Variants in NRG3 observed in about 807,000 individuals in gnomAD.
NRG3 encodes the protein pro-neuregulin-3, membrane-bound isoform.
In NRG3, 31 loss-of-function variants were observed where a neutral mutation model predicts 66.9. The ratio of observed to expected loss-of-function variants is 0.46; its 90% CI spans 0.35 to 0.63. The LOEUF (loss-of-function observed/expected upper bound fraction) is 0.63, where lower values mean the gene tolerates loss of function less well. Ranked by LOEUF, NRG3 falls within the 20% of genes least tolerant of loss-of-function variation. NRG3 has a pLI of 0.00. For synonymous variants in NRG3, 393 were observed against 359.4 expected, an observed-to-expected ratio of 1.09 and a Z score of -1.06; for missense variants, 910 against 878.9, an observed-to-expected ratio of 1.04 and a Z score of -0.45.
intron 2 of NRG3, among the ~76,000 whole-genome samples, chr10:82,380,054 C>T (rs1231534358): frequency 1.3e-5 from 2 of 151,998 alleles, no homozygotes; most frequent in East Asian, 3.9e-4. Context: ...ATTCCTCAAT[C>T]CTCCTCACCA....
intron 2 of NRG3, among the ~76,000 whole-genome samples, chr10:82,610,322 T>C (rs2048233533): frequency 6.6e-6 from 1 of 152,234 alleles, no homozygotes; most frequent in African/African-American, 2.4e-5. Flanking sequence ...TGTAAAGCAA[T>C]ATTCACACCG....
chr10:82,440,804 A>G (rs2090397519), intron 2 of NRG3, among the ~76,000 whole-genome samples: 1 of 152,042 alleles, frequency 6.6e-6, no homozygotes, highest in Admixed American at 6.6e-5. Context: ...TACATTAAGT[A>G]CTCTGCTTTT....
At chr10:82,342,054 A>G (rs1308863869) in intron 1 of NRG3, among the ~76,000 whole-genome samples, 2 of 151,746 alleles carry the variant, frequency 1.3e-5, no homozygotes, top group African/African-American at 4.8e-5. Flanking sequence ...TATTTATGGT[A>G]TATGGTATTT....
intron 3 of NRG3, among the ~76,000 whole-genome samples, chr10:82,759,472 A>G (rs72831315): frequency 0.014 from 2,083 of 152,290 alleles, 33 homozygotes; most frequent in Non-Finnish European, 0.021. Context: ...CTAAACAGAG[A>G]CATTAACCAA....
At chr10:81,903,292 G>T (rs1406358900) in intron 1 of NRG3, among the ~76,000 whole-genome samples, 1 of 152,092 alleles carries the variant, frequency 6.6e-6, no homozygotes, top group Non-Finnish European at 1.5e-5. Context: ...GCATGTAATT[G>T]TATCTCAAAA....
Position 81,882,148 on chromosome 10 carries a change from G to C in NRG3, c.823+5985G>C, listed in dbSNP as rs2132482007. 1.3e-5 allele frequency among the ~76,000 whole-genome samples: 2 copies of C among 152,280 alleles called. 1 individual carries two copies. The highest frequency in any genetic ancestry group is 4.1e-4 in the South Asian group (2 of 4,828). On this transcript the variant is annotated intron_variant, in intron 1 of 8. Transcript: ENST00000372141. ...TAAACAAATCTATTATCCCAACTGA[G>C]TACTGTAAAGTGCACAACTCAGCTG...
At chr10:82,349,440 G>A (rs1388974306) in intron 1 of NRG3, among the ~76,000 whole-genome samples, 24 of 150,820 alleles carry the variant, frequency 1.6e-4, no homozygotes, top group East Asian at 2.0e-4. Flanking sequence ...CTCCAGCTGC[G>A]TACTGGGAGA....
chr10:82,844,599 C>A (rs1300113034), intron 3 of NRG3, among the ~76,000 whole-genome samples: 2 of 150,978 alleles, frequency 1.3e-5, no homozygotes, highest in Non-Finnish European at 2.9e-5. Flanking sequence ...GCAAGTCTGT[C>A]TACAACTTAA....
At chr10:82,162,906 T>G (rs2071714136) in intron 1 of NRG3, among the ~76,000 whole-genome samples, 1 of 152,154 alleles carries the variant, frequency 6.6e-6, no homozygotes, top group African/African-American at 2.4e-5. Flanking sequence ...GTGAATCTCC[T>G]CCTCTAATTA....
At chr10:82,177,352 G>T (rs1435410203) in intron 1 of NRG3, among the ~76,000 whole-genome samples, 1 of 151,922 alleles carries the variant, frequency 6.6e-6, no homozygotes, top group South Asian at 2.1e-4. Flanking sequence ...CATAGGAAAA[G>T]GTTACCTATG....
chr10:81,969,755 C>T (rs1011227163), intron 1 of NRG3, among the ~76,000 whole-genome samples: 5 of 150,078 alleles, frequency 3.3e-5, no homozygotes, highest in African/African-American at 1.3e-4. Flanking sequence ...TGATTTCTCT[C>T]ATGTCTGGAC....
chr10:82,854,016 C>A (rs1233393292), intron 3 of NRG3, among the ~76,000 whole-genome samples: 1 of 152,016 alleles, frequency 6.6e-6, no homozygotes, highest in Admixed American at 6.6e-5. Flanking sequence ...AAAAGTATAC[C>A]TACAATGAGA....
intron 2 of NRG3, among the ~76,000 whole-genome samples, chr10:82,732,404 A>G (rs1243044831): frequency 6.6e-6 from 1 of 152,156 alleles, no homozygotes; most frequent in African/African-American, 2.4e-5. Flanking sequence ...ATCCTGGGAA[A>G]GGTGGTTAGG....
chr10:82,892,850 T>C (rs1032339198), intron 4 of NRG3, among the ~76,000 whole-genome samples: 3 of 151,976 alleles, frequency 2.0e-5, no homozygotes, highest in Non-Finnish European at 4.4e-5. Context: ...AATAAGTTTC[T>C]CTCTAGTTAA....
intron 2 of NRG3, among the ~76,000 whole-genome samples, chr10:82,600,471 ATT>A (rs1357271121): frequency 2.0e-5 from 3 of 152,032 alleles, no homozygotes; most frequent in Non-Finnish European, 4.4e-5. Flanking sequence ...TATCTTATTT[ATT>A]TATTTGCTAT....
intron 2 of NRG3, among the ~76,000 whole-genome samples, chr10:82,541,197 G>C (rs1449691153): frequency 1.3e-5 from 2 of 152,030 alleles, no homozygotes; most frequent in African/African-American, 4.8e-5. Context: ...CTTATTGGTA[G>C]ATATAAATAT....
In NRG3 at chr10:82,956,608, T is replaced by C. The variant is rs529408073; in HGVS notation, c.1158-2341T>C. Among the ~76,000 whole-genome samples, 46 of 152,110 alleles carry C rather than the reference T, an allele frequency of 3.0e-4. 1 individual carries two copies. The highest frequency in any genetic ancestry group is 1.1e-3 in the African/African-American group (46 of 41,340). On this transcript the variant is annotated intron_variant, in intron 5 of 8. Coordinates refer to ENST00000372141, the MANE Select transcript of NRG3 (RefSeq NM_001010848.4). Reference sequence around the variant, plus strand: ...TAAAGAAAATTCCCTTATAAGTTTATACTTCCAAGACTCTGAATTGGATTA... The same window carrying C: ...TAAAGAAAATTCCCTTATAAGTTTACACTTCCAAGACTCTGAATTGGATTA...
chr10:82,402,445 GTGTT>G (rs1045104673), intron 2 of NRG3, among the ~76,000 whole-genome samples: 1 of 152,102 alleles, frequency 6.6e-6, no homozygotes, highest in Non-Finnish European at 1.5e-5. Flanking sequence ...TTTTTATTTG[GTGTT>G]TGTTTATTTA....
chr10:82,914,474 T>C (rs1432360294), intron 4 of NRG3, among the ~76,000 whole-genome samples: 1 of 152,194 alleles, frequency 6.6e-6, no homozygotes, highest in South Asian at 2.1e-4. Flanking sequence ...TTTTGTTTAA[T>C]GTTAACTGTA....
Sources: allele counts gnomAD v4.1 joint callset (sites outside exome capture counted in the v4.1 genomes callset), GRCh38; gene constraint gnomAD v4.1.1; transcripts MANE v1.5; gene names NCBI Gene and HGNC (gene_info 2026-07-23, HGNC 2026-07-21).